The following GMDS variants were observed in gnomAD, a reference collection of about 807,000 sequenced individuals.
GMDS encodes the protein GDP-mannose 4,6-dehydratase, also known as GDP-mannose 4,6 dehydratase.
In GMDS, 20 loss-of-function variants were observed where a neutral mutation model predicts 49.9. That is an observed-to-expected ratio of 0.40 (90% CI 0.28 to 0.58). The LOEUF (loss-of-function observed/expected upper bound fraction) is 0.58. Ranked by LOEUF, GMDS falls within the 20% of genes least tolerant of loss-of-function variation. GMDS has a pLI of 0.42. For missense variants in GMDS, 362 were observed against 481.4 expected, an observed-to-expected ratio of 0.75 and a Z score of 2.32; for synonymous variants, 177 against 178.6, an observed-to-expected ratio of 0.99 and a Z score of 0.07.
intron 7 of GMDS, among the ~76,000 whole-genome samples, chr6:1,905,386 G>A (rs1760709219): frequency 6.7e-6 from 1 of 149,432 alleles, no homozygotes; most frequent in Non-Finnish European, 1.5e-5. Flanking sequence ...AGCTGTGGGT[G>A]CTGGCGTGTA....
At chr6:1,630,519 C>G (rs750587798) in intron 9 of GMDS, among the ~76,000 whole-genome samples, 25 of 152,216 alleles carry the variant, frequency 1.6e-4, no homozygotes, top group African/African-American at 5.3e-4. Flanking sequence ...AGGCCTTCCC[C>G]GTTCAACCAG....
intron 1 of GMDS, among the ~76,000 whole-genome samples, chr6:2,179,492 G>C (rs1289698935): frequency 6.6e-6 from 1 of 152,084 alleles, no homozygotes. Context: ...TATAAAAGAG[G>C]CTTCAGAGAG....
At chr6:1,738,483 G>A (rs537539549) in intron 8 of GMDS, among the ~76,000 whole-genome samples, 58 of 152,340 alleles carry the variant, frequency 3.8e-4, no homozygotes, top group African/African-American at 8.4e-4. Context: ...ATGGCGACAC[G>A]TGTCAAGCCT....
At chr6:1,789,964 T>G (rs1372115995) in intron 7 of GMDS, among the ~76,000 whole-genome samples, 1 of 152,250 alleles carries the variant, frequency 6.6e-6, no homozygotes, top group Non-Finnish European at 1.5e-5. Context: ...TCATTTGTGA[T>G]CCACTCTGGT....
chr6:2,107,855 T>G (rs1383219227), intron 4 of GMDS, among the ~76,000 whole-genome samples: 3 of 152,196 alleles, frequency 2.0e-5, no homozygotes, highest in Non-Finnish European at 4.4e-5. Context: ...ACCTTATTAA[T>G]CCTCAGGCTT....
intron 4 of GMDS, among the ~76,000 whole-genome samples, chr6:2,035,290 G>A (rs142070842): frequency 2.0e-3 from 304 of 152,156 alleles, no homozygotes; most frequent in Non-Finnish European, 3.7e-3. Context: ...TTCTCTCCTC[G>A]GTATGTTGAA....
Position 2,052,116 on chromosome 6 carries a change from C to CAAAAAAAAAA in GMDS, c.345+63645_345+63654dup, listed in dbSNP as rs1285013159. Among the ~76,000 whole-genome samples the CAAAAAAAAAA allele has an allele frequency of 2.0e-3, 87 of 43,578 alleles. 4 individuals carry two copies. Among genetic ancestry groups the CAAAAAAAAAA allele is most frequent in the Non-Finnish European group, 2.3e-3 (50 of 21,548 alleles). 28.6% of individuals were successfully genotyped at this position (43,578 alleles called of 152,430 possible). A position where few individuals can be genotyped will look rare whatever the true frequency, so the allele number is the denominator to read the frequency against. ...TGGGTGACAGAGCAAGACTCTGTCT[C>CAAAAAAAAAA]AAAAAAAAAAAAAAGAAAAAAAAAA... On this transcript the variant is annotated intron_variant, in intron 4 of 10. Coordinates refer to ENST00000380815, the MANE Select transcript of GMDS (RefSeq NM_001500.4).
intron 4 of GMDS, among the ~76,000 whole-genome samples, chr6:1,978,312 C>T (rs537666639): frequency 1.1e-4 from 16 of 152,202 alleles, no homozygotes; most frequent in African/African-American, 2.6e-4. Flanking sequence ...CATGCCCAAG[C>T]GCATGTATTA....
chr6:2,133,082 A>G (rs911021336), intron 1 of GMDS, among the ~76,000 whole-genome samples: 7 of 152,192 alleles, frequency 4.6e-5, no homozygotes, highest in Admixed American at 1.3e-4. Context: ...TGCAAAGTCC[A>G]TGCTTTGCAG....
At chr6:2,137,127 T>C (rs1169994599) in intron 1 of GMDS, among the ~76,000 whole-genome samples, 1 of 152,148 alleles carries the variant, frequency 6.6e-6, no homozygotes, top group East Asian at 1.9e-4. Flanking sequence ...GTAGCCAATA[T>C]ATATAATGGT....
intron 7 of GMDS, among the ~76,000 whole-genome samples, chr6:1,770,145 T>C (rs146036970): frequency 9.2e-5 from 14 of 152,262 alleles, no homozygotes; most frequent in Non-Finnish European, 2.1e-4. Context: ...ACTTGAGTCA[T>C]GGACTCCTTT....
At chr6:1,840,699 A>C (rs1047761546) in intron 7 of GMDS, among the ~76,000 whole-genome samples, 2 of 152,176 alleles carry the variant, frequency 1.3e-5, no homozygotes, top group Admixed American at 6.5e-5. Flanking sequence ...CTGAGTGGAG[A>C]CCGGGCTCTG....
intron 7 of GMDS, among the ~76,000 whole-genome samples, chr6:1,900,184 C>A (rs1015398367): frequency 1.3e-5 from 2 of 152,140 alleles, no homozygotes; most frequent in African/African-American, 4.8e-5. Flanking sequence ...CTTCATTGGA[C>A]GGGGAGAAAC....
At chr6:2,078,108 C>T (rs1211216061) in intron 4 of GMDS, among the ~76,000 whole-genome samples, 3 of 151,996 alleles carry the variant, frequency 2.0e-5, no homozygotes. Context: ...CTTTGTATTT[C>T]TGTGGTATCA....
intron 6 of GMDS, among the ~76,000 whole-genome samples, chr6:1,944,750 A>G (rs1425363380): frequency 6.6e-6 from 1 of 152,148 alleles, no homozygotes; most frequent in Admixed American, 6.5e-5. Flanking sequence ...CACCCAGCAT[A>G]AAGACTGCAA....
intron 9 of GMDS, among the ~76,000 whole-genome samples, chr6:1,723,397 G>A (rs1766460551): frequency 6.8e-6 from 1 of 147,366 alleles, no homozygotes. Flanking sequence ...CACGACCTTG[G>A]CTCACTGAAA....
chr6:1,842,484 A>G (rs931833578), intron 7 of GMDS, among the ~76,000 whole-genome samples: 23 of 152,190 alleles, frequency 1.5e-4, no homozygotes, highest in Non-Finnish European at 2.9e-5. Context: ...TGTTTCTCCA[A>G]ATGGAGAAGA....
chr6:2,075,640 T>A (rs566363743), intron 4 of GMDS, among the ~76,000 whole-genome samples: 30 of 152,364 alleles, frequency 2.0e-4, no homozygotes, highest in Non-Finnish European at 3.2e-4. Flanking sequence ...CCACATTTTC[T>A]TAATCCAGTC....
chr6:1,932,430 C>T (rs949525689), intron 6 of GMDS, among the ~76,000 whole-genome samples: 5 of 151,936 alleles, frequency 3.3e-5, no homozygotes, highest in Non-Finnish European at 7.4e-5. Flanking sequence ...CTACCAAGTT[C>T]TTATATTACC....
Sources: gnomAD v4.1 joint callset for allele counts (sites outside exome capture counted in the v4.1 genomes callset) on GRCh38, gnomAD v4.1.1 for gene constraint, MANE v1.5 for transcripts, NCBI Gene and HGNC (gene_info 2026-07-23, HGNC 2026-07-21) for gene names.